Variants in ZNF596 observed in about 807,000 individuals in gnomAD.
The protein encoded by ZNF596 is zinc finger protein 596.
Under a neutral mutation model 48.3 loss-of-function variants are expected in ZNF596, and 45 were observed. The ratio of observed to expected loss-of-function variants is 0.93; its 90% confidence interval spans 0.73 to 1.19. The LOEUF (loss-of-function observed/expected upper bound fraction) is 1.19. ZNF596 is among the 50% of genes most tolerant of loss of function. The pLI is 0.00. For synonymous variants in ZNF596, 270 were observed against 202.0 expected (o/e 1.34, Z -2.85); for missense variants, 848 against 599.7 (o/e 1.41, Z -4.32).
At position 246,515 on chromosome 8, in the gene ZNF596, T is replaced by A; in HGVS notation, c.*153T>A. On this transcript the variant is annotated 3_prime_UTR_variant, in exon 6 of 6. Coordinates refer to ENST00000398612, the MANE Select transcript of ZNF596 (RefSeq NM_001042416.3). ...AAGGTAGAGAGAATCCAGATGTATTTAATGTTTATGGCACAAACTTCAGAC... is the reference window on the plus strand; with the variant it reads ...AAGGTAGAGAGAATCCAGATGTATTAAATGTTTATGGCACAAACTTCAGAC... 1 of 987,460 alleles carries A rather than the reference T, an allele frequency of 1.0e-6. No individual in the cohort carries two copies. The highest frequency in any genetic ancestry group is 1.4e-6 in the Non-Finnish European group (1 of 695,590). The allele number at this position is 987,460 out of a possible 1,614,324, so 61.2% of individuals were successfully genotyped here.
At chr8:234,870 T>G (rs1359233498) in intron 1 of ZNF596, 1 of 152,098 alleles carries the variant, frequency 6.6e-6, no homozygotes, top group African/African-American at 2.4e-5. Context: ...TATGGGTCGT[T>G]TAGGGACAAT....
chr8:240,702 A>G, intron 1 of ZNF596, 122 bp from the exon 2 acceptor site: 1 of 631,686 alleles, frequency 1.6e-6, no homozygotes, highest in Non-Finnish European at 2.8e-6. Flanking sequence ...CACCAACCCA[A>G]CCCACCCCCT....
At chr8:243,139 C>A in intron 3 of ZNF596, 126 bp downstream of exon 3, 1 of 789,210 alleles carries the variant, frequency 1.3e-6, no homozygotes, top group Non-Finnish European at 1.8e-6. Context: ...TCAACTTCTG[C>A]TTTGATCCTT....
chr8:244,742 A>G (rs2117110527), intron 5 of ZNF596, 41 bp downstream of exon 5: 3 of 1,534,956 alleles, frequency 2.0e-6, no homozygotes, highest in East Asian at 4.5e-5. Flanking sequence ...ACATATAGAA[A>G]CCTGGACATT....
Position 247,070 on chromosome 8 carries a change from T to C in ZNF596, c.*708T>C, listed in dbSNP as rs1667899784. On this transcript the variant is annotated 3_prime_UTR_variant, in exon 6 of 6. Transcript: ENST00000398612. ...CATTTTTCCAGTGAGAAAACTATCT[T>C]GACAGGATAGTGGAAAAACCTTCAG... The C allele has an allele frequency of 2.0e-5, 3 of 152,154 alleles. No individual in the cohort carries two copies. In the South Asian group the frequency reaches 6.2e-4, roughly 31 times the overall value. 9.4% of individuals were successfully genotyped at this position (152,154 alleles called of 1,614,324 possible). A position where few individuals can be genotyped will look rare whatever the true frequency, so the allele number is the denominator to read the frequency against.
chr8:246,053 A>C lies in ZNF596; in HGVS notation c.1206A>C (p.Glu402Asp), dbSNP rs1487689882. ...ECHVCGKAFT[E>D]SSDLRRHERT... ...ATGTATGTGGGAAAGCCTTCACTGAATCTTCTGACCTCAGACGACATGAGA... is the reference window on the plus strand; with the variant it reads ...ATGTATGTGGGAAAGCCTTCACTGACTCTTCTGACCTCAGACGACATGAGA... The change falls in exon 6 of 6, where the codon GAA becomes GAC. Residue 402 changes from glutamate (E) to aspartate (D), a missense_variant. By Grantham distance (45) the Glu-to-Asp change is conservative. Transcript: ENST00000398612. 4 of 1,614,090 alleles carry C rather than the reference A, an allele frequency of 2.5e-6. No individual in the cohort carries two copies. Among genetic ancestry groups the C allele is most frequent in the Non-Finnish European group, 3.4e-6 (4 of 1,180,014 alleles).
intron 1 of ZNF596, 56 bp from the exon 2 acceptor site, chr8:240,768 T>G: frequency 8.3e-7 from 1 of 1,197,764 alleles, no homozygotes; most frequent in South Asian, 1.2e-5. Flanking sequence ...GGGCAGATGT[T>G]AGAAGCAAAA....
chr8:234,800 C>T (rs1796557492), intron 1 of ZNF596: 1 of 152,162 alleles, frequency 6.6e-6, no homozygotes, highest in South Asian at 2.1e-4. Flanking sequence ...ATGGGAAGGG[C>T]TTCACACCCA....
At chr8:235,198 A>C (rs1796572619) in intron 1 of ZNF596, among the ~76,000 whole-genome samples, 1 of 152,166 alleles carries the variant, frequency 6.6e-6, no homozygotes, top group South Asian at 2.1e-4. Flanking sequence ...GTCTAACAGG[A>C]GGGAGTTTTA....
Position 245,949 on chromosome 8 carries a change from T to C in ZNF596, c.1102T>C (p.Cys368Arg), listed in dbSNP as rs1334370221. The C allele has an allele frequency of 6.2e-7, 1 of 1,614,020 alleles. No individual in the cohort carries two copies. Among genetic ancestry groups the C allele is most frequent in the South Asian group, 1.1e-5 (1 of 91,088 alleles). ...AGAGAAACCACATGGATGTCATCTATGTGGGAAAGCATTCACTGAATCTTC... is the reference window on the plus strand; with the variant it reads ...AGAGAAACCACATGGATGTCATCTACGTGGGAAAGCATTCACTGAATCTTC... ...NGEKPHGCHLCGKAFTESSVL... is the reference protein window; with the variant it reads ...NGEKPHGCHLRGKAFTESSVL... The change falls in exon 6 of 6, where the codon TGT becomes CGT. Residue 368 changes from cysteine (C) to arginine (R), a missense_variant. Transcript: ENST00000398612.
chr8:238,750 T>G (rs984058580), intron 1 of ZNF596, among the ~76,000 whole-genome samples: 4 of 151,068 alleles, frequency 2.6e-5, no homozygotes, highest in African/African-American at 9.8e-5. Context: ...GAGGTTGCAG[T>G]GAGCTGGTAT....
intron 1 of ZNF596, among the ~76,000 whole-genome samples, chr8:236,036 G>T (rs1338459378): frequency 6.6e-6 from 1 of 152,134 alleles, no homozygotes; most frequent in East Asian, 1.9e-4. Flanking sequence ...TGAGTCTACA[G>T]TCACTGAGGT....
At chr8:238,777 A>G (rs969468047) in intron 1 of ZNF596, among the ~76,000 whole-genome samples, 5 of 152,052 alleles carry the variant, frequency 3.3e-5, no homozygotes, top group African/African-American at 1.2e-4. Flanking sequence ...GTTGCACTAC[A>G]GCCTGGGCAA....
chr8:243,250 C>T (rs1181519289), intron 3 of ZNF596: 1 of 363,498 alleles, frequency 2.8e-6, no homozygotes. Context: ...AGTTTCACAT[C>T]CTTCTTGCTC....
At chr8:239,270 C>T (rs1049430189) in intron 1 of ZNF596, among the ~76,000 whole-genome samples, 1 of 152,206 alleles carries the variant, frequency 6.6e-6, no homozygotes, top group Non-Finnish European at 1.5e-5. Flanking sequence ...CTCACTGCAA[C>T]CTCCACCTCC....
At chr8:233,127 G>A in intron 1 of ZNF596, 1 of 468,434 alleles carries the variant, frequency 2.1e-6, no homozygotes, top group Non-Finnish European at 4.4e-6. Flanking sequence ...AAGTTTAGAT[G>A]GGAAGTGGAT....
At chr8:244,080 G>C (rs777364014) in intron 4 of ZNF596, 11 of 240,318 alleles carry the variant, frequency 4.6e-5, no homozygotes, top group Admixed American at 1.1e-4. Context: ...AATAGAGACA[G>C]GGTTTCAACA....
chr8:239,367 T>A (rs928642367), intron 1 of ZNF596, among the ~76,000 whole-genome samples: 1 of 152,096 alleles, frequency 6.6e-6, no homozygotes, highest in African/African-American at 2.4e-5. Context: ...TTTTGTATTT[T>A]TAGTAGAAAC....
rs1178211731 is a variant in ZNF596, at chr8:233,070, G to C, written c.-73+376G>C. On this transcript the variant is annotated intron_variant, in intron 1 of 5. Transcript: ENST00000398612. ...TCGAGGTGGGGCAGGAGAGTGAGGA[G>C]AAAACAGAGGAGGGAGGTAGAGCCA... is the stretch of plus-strand genomic sequence containing the variant. 1.3e-4 allele frequency: 63 copies of C among 468,292 alleles called. 1 individual carries two copies. Among genetic ancestry groups the C allele is most frequent in the Non-Finnish European group, 2.5e-4 (57 of 227,050 alleles). 29.0% of individuals were successfully genotyped at this position (468,292 alleles called of 1,614,324 possible).
Sources: allele counts gnomAD v4.1 joint callset (sites outside exome capture counted in the v4.1 genomes callset), GRCh38; gene constraint gnomAD v4.1.1; transcripts MANE v1.5; gene names NCBI Gene and HGNC (gene_info 2026-07-23, HGNC 2026-07-21).